Variants in SPATA13 observed in about 807,000 individuals in gnomAD.
SPATA13 encodes spermatogenesis associated 13, also known as spermatogenesis-associated protein 13.
Under a neutral mutation model 104.0 loss-of-function variants are expected in SPATA13, and 50 were observed. The observed-to-expected ratio is 0.48, with a 90% CI of 0.38 to 0.61. The LOEUF (loss-of-function observed/expected upper bound fraction) is 0.61. Ranked by LOEUF, SPATA13 falls within the 20% of genes least tolerant of loss-of-function variation. The pLI is 0.00. For missense variants in SPATA13, 1,524 were observed against 1,690.6 expected (o/e 0.90, Z 1.73); for synonymous variants, 606 against 667.5 (o/e 0.91, Z 1.42).
At chr13:24,045,297 C>T (rs1382792769) in intron 3 of SPATA13, among the ~76,000 whole-genome samples, 1 of 152,160 alleles carries the variant, frequency 6.6e-6, no homozygotes, top group African/African-American at 2.4e-5. Context: ...CGACCATGAC[C>T]TTTGTATTAT....
intron 3 of SPATA13, among the ~76,000 whole-genome samples, chr13:24,056,770 A>C (rs56169990): frequency 0.078 from 11,879 of 152,232 alleles, 564 homozygotes; most frequent in Admixed American, 0.1. Context: ...AAGAAAAGAC[A>C]AGTACGTTGC....
At chr13:24,091,731 A>G (rs1879917561) in intron 3 of SPATA13, among the ~76,000 whole-genome samples, 1 of 152,220 alleles carries the variant, frequency 6.6e-6, no homozygotes, top group South Asian at 2.1e-4. Context: ...GAATCGCTTG[A>G]ACCTGGGAGG....
chr13:24,263,237 A>G (rs1029596166), intron 4 of SPATA13, among the ~76,000 whole-genome samples: 2 of 152,212 alleles, frequency 1.3e-5, no homozygotes, highest in African/African-American at 2.4e-5. Context: ...TTTTCTTTCA[A>G]TAAAGAATCA....
chr13:24,288,757 G>C lies in SPATA13; in HGVS notation c.2668-242G>C, dbSNP rs1408455149. On this transcript the variant is annotated intron_variant, in intron 7 of 12. Transcript: ENST00000382108. ...GCTCTGGTATTTGAAACTTGTTTCT[G>C]GAAACATTATATGGTTTATTGGATC... Among the ~76,000 whole-genome samples the C allele has an allele frequency of 2.0e-5, 3 of 152,150 alleles. No homozygotes were observed. The East Asian group carries it at 5.8e-4, about 29-fold the overall frequency.
In SPATA13 at chr13:24,223,371, A is replaced by T. The variant is rs780944255; in HGVS notation, c.442A>T (p.Ile148Phe). ...TTCGGAGCATGGCCTGGGAAAGTCC[A>T]TCCCAAATGGCGCTGTCCCAGGAGC... ...EASEHGLGKS[I>F]PNGAVPGAQA... Residue 148 changes from isoleucine (I) to phenylalanine (F), a missense_variant, in exon 2 of 13, where the codon ATC becomes TTC. Transcript: ENST00000382108. The T allele has an allele frequency of 3.2e-6, 5 of 1,551,388 alleles. No individual in the cohort carries two copies. The South Asian group carries it at 5.9e-5, about 18-fold the overall frequency.
At position 24,303,189 on chromosome 13, in the gene SPATA13, AT is replaced by A; in HGVS notation, c.*420del. ...GGTTAGAGGATCACTTCTGCATTTGATTTTCAAGGATGCCGTCAAGACGGGG... is the reference window on the plus strand; with the variant it reads ...GGTTAGAGGATCACTTCTGCATTTGATTTCAAGGATGCCGTCAAGACGGGG... On this transcript the variant is annotated 3_prime_UTR_variant, in exon 13 of 13. Coordinates refer to ENST00000382108, the MANE Select transcript of SPATA13 (RefSeq NM_001166271.3). 2.6e-6 allele frequency: 1 copy of A among 391,166 alleles called. No homozygotes were observed. Among genetic ancestry groups the A allele is most frequent in the Non-Finnish European group, 5.1e-6 (1 of 197,130 alleles). 24.2% of individuals were successfully genotyped at this position (391,166 alleles called of 1,614,324 possible).
At chr13:24,293,269 G>A (rs1876534699) in intron 9 of SPATA13, among the ~76,000 whole-genome samples, 1 of 149,250 alleles carries the variant, frequency 6.7e-6, no homozygotes, top group Non-Finnish European at 1.5e-5. Flanking sequence ...CCACAAAATT[G>A]AAGAAAAAAA....
chr13:23,980,127 T>G (rs940450324), intron 1 of SPATA13, among the ~76,000 whole-genome samples: 1 of 152,070 alleles, frequency 6.6e-6, no homozygotes, highest in African/African-American at 2.4e-5. Flanking sequence ...ATGGCCGAGC[T>G]TGCAGTGAGC....
Position 24,233,809 on chromosome 13 carries a change from C to G in SPATA13, c.1653+9227C>G, listed in dbSNP as rs571660454. Among the ~76,000 whole-genome samples the G allele has an allele frequency of 5.9e-5, 9 of 152,170 alleles. No homozygotes were observed. The East Asian group carries it at 1.7e-3, about 29-fold the overall frequency. On this transcript the variant is annotated intron_variant, in intron 2 of 12. Transcript: ENST00000382108. ...AAGTTCTAGCCAGAGTGAGGACCCC[C>G]TGGGATGCAAGCCAAAGCTGCGGAA...
chr13:24,171,477 C>G (rs1014067631), intron 1 of SPATA13, among the ~76,000 whole-genome samples: 1 of 152,192 alleles, frequency 6.6e-6, no homozygotes, highest in Non-Finnish European at 1.5e-5. Flanking sequence ...TCTCTCCCAC[C>G]TACAGTGTCC....
chr13:24,237,946 A>C (rs1231124989), intron 2 of SPATA13, among the ~76,000 whole-genome samples: 1 of 148,314 alleles, frequency 6.7e-6, no homozygotes, highest in Non-Finnish European at 1.5e-5. Context: ...TAAATATGCA[A>C]TATATAAACA....
intron 4 of SPATA13, among the ~76,000 whole-genome samples, chr13:24,256,858 C>T (rs867518101): frequency 6.6e-5 from 10 of 152,230 alleles, no homozygotes; most frequent in African/African-American, 2.2e-4. Flanking sequence ...AGAGTGACAA[C>T]CTGTAAACAC....
chr13:24,176,796 T>C (rs1868461385), intron 1 of SPATA13, among the ~76,000 whole-genome samples: 2 of 152,214 alleles, frequency 1.3e-5, no homozygotes, highest in Admixed American at 6.5e-5. Context: ...TATATAATTT[T>C]TTTTTCTTTT....
rs1882439775 is a variant in SPATA13, at chr13:24,160,792, C to T, written c.-252C>T. 4.1e-6 allele frequency: 4 copies of T among 985,512 alleles called. No homozygotes were observed. Among genetic ancestry groups the T allele is most frequent in the Non-Finnish European group, 4.8e-6 (4 of 830,004 alleles). The allele number at this position is 985,512 out of a possible 1,614,324, so 61.0% of individuals were successfully genotyped here. A position where few individuals can be genotyped will look rare whatever the true frequency, so the allele number is the denominator to read the frequency against. ...CCGCGATCGCCCTGCCGGTCGCTAG[C>T]TCCGAGGGCGCGCACTGGATCCCAG... On this transcript the variant is annotated 5_prime_UTR_variant, in exon 1 of 13. Transcript: ENST00000382108.
At chr13:24,044,635 A>C (rs1440575143) in intron 3 of SPATA13, among the ~76,000 whole-genome samples, 2 of 152,218 alleles carry the variant, frequency 1.3e-5, no homozygotes, top group Non-Finnish European at 2.9e-5. Context: ...GGTAATTAGC[A>C]TATCCATCAT....
At chr13:24,134,773 T>C (rs1291587783) in intron 3 of SPATA13, among the ~76,000 whole-genome samples, 1 of 152,178 alleles carries the variant, frequency 6.6e-6, no homozygotes, top group African/African-American at 2.4e-5. Flanking sequence ...TTTTATGGCC[T>C]CAGGAGAGCT....
At chr13:24,240,413 G>C (rs376449176) in intron 2 of SPATA13, among the ~76,000 whole-genome samples, 4 of 152,158 alleles carry the variant, frequency 2.6e-5, no homozygotes, top group South Asian at 2.1e-4. Flanking sequence ...TATCATGAAG[G>C]CTAAGGGGGA....
intron 3 of SPATA13, among the ~76,000 whole-genome samples, chr13:24,103,353 G>C (rs1880317815): frequency 6.6e-6 from 1 of 151,886 alleles, no homozygotes; most frequent in African/African-American, 2.4e-5. Flanking sequence ...GGGTGCGGTG[G>C]CTTGCACCTT....
chr13:24,185,645 T>G (rs1030374421), intron 1 of SPATA13, among the ~76,000 whole-genome samples: 3 of 152,162 alleles, frequency 2.0e-5, no homozygotes, highest in Non-Finnish European at 4.4e-5. Flanking sequence ...GGCATCGTGT[T>G]TTAAACATCA....
Sources: allele counts gnomAD v4.1 joint callset (sites outside exome capture counted in the v4.1 genomes callset), GRCh38; gene constraint gnomAD v4.1.1; transcripts MANE v1.5; gene names NCBI Gene and HGNC (gene_info 2026-07-23, HGNC 2026-07-21).